The following SLC24A3 variants were observed in gnomAD, a reference collection of about 807,000 sequenced individuals.
SLC24A3 encodes the protein solute carrier family 24 member 3, also known as sodium/potassium/calcium exchanger 3.
SLC24A3 carries 28 observed loss-of-function variants against 75.8 expected under a neutral mutation model. That is an observed-to-expected ratio of 0.37 (90% CI 0.27 to 0.51). The LOEUF (loss-of-function observed/expected upper bound fraction) is 0.51, where lower values mean the gene tolerates loss of function less well. Ranked by LOEUF, SLC24A3 falls within the 20% of genes least tolerant of loss-of-function variation. The pLI, the probability that SLC24A3 is intolerant of heterozygous loss-of-function variation, is 0.94. For missense variants in SLC24A3, 663 were observed against 847.8 expected, an observed-to-expected ratio of 0.78 and a Z score of 2.71; for synonymous variants, 372 against 334.1, an observed-to-expected ratio of 1.11 and a Z score of -1.24.
At chr20:19,502,474 A>C (rs957218126) in intron 2 of SLC24A3, among the ~76,000 whole-genome samples, 3 of 152,140 alleles carry the variant, frequency 2.0e-5, no homozygotes, top group Non-Finnish European at 2.9e-5. Context: ...AACAGTTCAG[A>C]TGCTCCACTG....
intron 6 of SLC24A3, among the ~76,000 whole-genome samples, chr20:19,653,804 C>T (rs1157599908): frequency 6.6e-6 from 1 of 152,202 alleles, no homozygotes; most frequent in East Asian, 1.9e-4. Context: ...GGCTGCATGC[C>T]CAGCTCCCCC....
chr20:19,418,378 T>C (rs1023203578), intron 2 of SLC24A3, among the ~76,000 whole-genome samples: 6 of 149,532 alleles, frequency 4.0e-5, no homozygotes, highest in African/African-American at 1.2e-4. Flanking sequence ...AAACAAAAAA[T>C]CCAAAAAAAT....
intron 1 of SLC24A3, among the ~76,000 whole-genome samples, chr20:19,225,514 T>C (rs1325180440): frequency 2.0e-5 from 3 of 152,162 alleles, no homozygotes; most frequent in Non-Finnish European, 4.4e-5. Flanking sequence ...TAGATCCTGC[T>C]TTTAAAATAA....
At position 19,420,321 on chromosome 20, in the gene SLC24A3, T is replaced by G. The variant is rs1478263260; in HGVS notation, c.272-95167T>G. Among the ~76,000 whole-genome samples, 65 of 74,488 alleles carry G rather than the reference T, an allele frequency of 8.7e-4. 2 individuals carry two copies. Among genetic ancestry groups the G allele is most frequent in the Non-Finnish European group, 6.3e-4 (26 of 40,966 alleles). 48.9% of individuals were successfully genotyped at this position (74,488 alleles called of 152,430 possible). On this transcript the variant is annotated intron_variant, in intron 2 of 16. Transcript: ENST00000328041. Reference sequence around the variant, plus strand: ...CATGTGTCTTTATAGCAGCATGATTTATAGTCCTTTGGGTATATACCCAGT... The same window carrying G: ...CATGTGTCTTTATAGCAGCATGATTGATAGTCCTTTGGGTATATACCCAGT...
In SLC24A3 at chr20:19,621,313, C is replaced by T. The variant is rs987597425; in HGVS notation, c.613-32749C>T. On this transcript the variant is annotated intron_variant, in intron 6 of 16. Transcript: ENST00000328041. ...GCTCATTTCTCCCTATGTCTCTTAG[C>T]TCCTTGATGGTTACCCTGACTCATC... is the stretch of plus-strand genomic sequence containing the variant. 4.6e-5 allele frequency among the ~76,000 whole-genome samples: 7 copies of T among 152,204 alleles called. No homozygotes were observed. The South Asian group carries it at 8.3e-4, about 18-fold the overall frequency.
At chr20:19,224,121 AGTGTGTGT>A (rs11470026) in intron 1 of SLC24A3, among the ~76,000 whole-genome samples, 5,192 of 149,290 alleles carry the variant, frequency 0.035, 111 homozygotes, top group Non-Finnish European at 0.048. Flanking sequence ...TGAGTGTGTG[AGTGTGTGT>A]GTGTGTGTGT....
intron 6 of SLC24A3, among the ~76,000 whole-genome samples, chr20:19,653,563 C>T (rs764931925): frequency 4.6e-5 from 7 of 152,294 alleles, no homozygotes; most frequent in Admixed American, 1.3e-4. Flanking sequence ...CTGTAGCAGA[C>T]GCTAGACTCA....
At chr20:19,670,892 C>T (rs1026248322) in intron 8 of SLC24A3, among the ~76,000 whole-genome samples, 6 of 152,002 alleles carry the variant, frequency 3.9e-5, no homozygotes, top group African/African-American at 7.3e-5. Context: ...GGGGTGTCTG[C>T]GTGGGGAGAA....
At chr20:19,451,832 C>T (rs1361076039) in intron 2 of SLC24A3, among the ~76,000 whole-genome samples, 1 of 152,182 alleles carries the variant, frequency 6.6e-6, no homozygotes, top group Non-Finnish European at 1.5e-5. Context: ...CACCTCAGAT[C>T]CCAGGCCATC....
At chr20:19,413,529 G>A (rs920381790) in intron 2 of SLC24A3, among the ~76,000 whole-genome samples, 11 of 152,262 alleles carry the variant, frequency 7.2e-5, no homozygotes, top group South Asian at 2.1e-4. Context: ...GATGCTCCAC[G>A]CTGAATGTTC....
chr20:19,506,588 T>C (rs1241657186), intron 2 of SLC24A3, among the ~76,000 whole-genome samples: 1 of 152,214 alleles, frequency 6.6e-6, no homozygotes, highest in African/African-American at 2.4e-5. Flanking sequence ...AGCTTACCCA[T>C]CTGTAAATTG....
At chr20:19,360,901 A>T (rs1404474757) in intron 2 of SLC24A3, among the ~76,000 whole-genome samples, 1 of 151,142 alleles carries the variant, frequency 6.6e-6, no homozygotes, top group East Asian at 1.9e-4. Flanking sequence ...ATCTCGGCTC[A>T]CTGCAAGCTC....
intron 2 of SLC24A3, among the ~76,000 whole-genome samples, chr20:19,398,795 A>G (rs1054974046): frequency 3.9e-5 from 6 of 152,188 alleles, no homozygotes; most frequent in Admixed American, 2.6e-4. Context: ...TATTAGATTA[A>G]TTATTCTGTT....
intron 2 of SLC24A3, among the ~76,000 whole-genome samples, chr20:19,405,567 G>T (rs1188697965): frequency 6.6e-6 from 1 of 152,170 alleles, no homozygotes; most frequent in Admixed American, 6.5e-5. Flanking sequence ...ACTTGGGTTA[G>T]ATCACAAGGG....
At chr20:19,693,794 A>T in intron 13 of SLC24A3, 1 of 175,788 alleles carries the variant, frequency 5.7e-6, no homozygotes. Flanking sequence ...GCATCATTAG[A>T]ATGCAAGAGA....
At chr20:19,645,177 TGACTA>T (rs2032122150) in intron 6 of SLC24A3, among the ~76,000 whole-genome samples, 1 of 152,224 alleles carries the variant, frequency 6.6e-6, no homozygotes, top group Non-Finnish European at 1.5e-5. Context: ...AATGTTTTGA[TGACTA>T]GATTTCAATA....
chr20:19,696,839 A>G lies in SLC24A3; in HGVS notation c.1534A>G (p.Met512Val). ...GYTLGIPDVI[M>V]GITFLAAGTS... is the part of the protein sequence containing the mutation. ...CACCCTGGGGATTCCTGACGTCATC[A>G]TGGGGATCACCTTCCTGGCTGCTGG... Residue 512 changes from methionine to valine, a missense_variant, in exon 14 of 17, where the codon ATG becomes GTG. By Grantham distance (21) the Met-to-Val change is conservative (BLOSUM62 1). This residue lies in a region of SLC24A3 where 510 missense variants were observed against 703.6 expected (regional missense o/e 0.72). Coordinates refer to ENST00000328041, the MANE Select transcript of SLC24A3 (RefSeq NM_020689.4). 1 of 1,613,638 alleles carries G rather than the reference A, an allele frequency of 6.2e-7. No individual in the cohort carries two copies. Among genetic ancestry groups the G allele is most frequent in the Non-Finnish European group, 8.5e-7 (1 of 1,179,814 alleles).
chr20:19,680,078 GTGTC>G (rs1450778721), intron 9 of SLC24A3, among the ~76,000 whole-genome samples: 2 of 150,530 alleles, frequency 1.3e-5, no homozygotes, highest in South Asian at 2.1e-4. Flanking sequence ...GTCTGTGTGT[GTGTC>G]TGTATGTGTC....
intron 15 of SLC24A3, among the ~76,000 whole-genome samples, chr20:19,714,038 G>A (rs1600354283): frequency 6.6e-6 from 1 of 152,190 alleles, no homozygotes; most frequent in Admixed American, 6.5e-5. Context: ...CAGCTCAGCT[G>A]CTGTCGTGTG....
Sources: allele counts gnomAD v4.1 joint callset (sites outside exome capture counted in the v4.1 genomes callset), GRCh38; gene constraint gnomAD v4.1.1; regional missense constraint gnomAD v4.1.1; transcripts MANE v1.5; gene names NCBI Gene and HGNC (gene_info 2026-07-23, HGNC 2026-07-21).